The following CSMD2 variants were observed in gnomAD, a reference collection of about 807,000 sequenced individuals.
CSMD2 encodes the protein CUB and sushi domain-containing protein 2.
In CSMD2, 130 loss-of-function variants were observed where a neutral mutation model predicts 398.5. The ratio of observed to expected loss-of-function variants is 0.33; its 90% CI spans 0.28 to 0.38. The LOEUF (loss-of-function observed/expected upper bound fraction) is 0.38, where lower values mean the gene tolerates loss of function less well. Among genes scored for constraint, CSMD2 ranks in the 10% least tolerant of loss-of-function variants. The probability of loss-of-function intolerance (pLI) is 1.00; values close to 1 mark genes in which losing one functional copy is unlikely to be tolerated. For missense variants in CSMD2, 3,829 were observed against 4,764.9 expected (o/e 0.80, Z 5.78); for synonymous variants, 1,828 against 1,908.5 (o/e 0.96, Z 1.10).
At position 33,572,520 on chromosome 1, in the gene CSMD2, G is replaced by T; in HGVS notation, c.7748C>A (p.Pro2583Gln). Reference sequence around the variant, plus strand: ...CGAGGACTCACGGACACACTGTGGTGGGACATTGCGGTTGCTCCATAGGCC... The same window carrying T: ...CGAGGACTCACGGACACACTGTGGTTGGACATTGCGGTTGCTCCATAGGCC... ...DTGLWSNRNV[P>Q]PQCVPVTCPD... Residue 2583 changes from proline to glutamine, a missense_variant, in exon 50 of 71, where the codon CCA (proline) becomes CAA (glutamine). Physicochemically the swap from Pro to Gln is moderately conservative, Grantham distance 76 (BLOSUM62 -1). Transcript: ENST00000373381. 7 of 1,607,936 alleles carry T rather than the reference G, an allele frequency of 4.4e-6. No homozygotes were observed. The highest frequency in any genetic ancestry group is 6.0e-6 in the Non-Finnish European group (7 of 1,176,136).
chr1:33,778,961 C>T (rs1313478963), intron 12 of CSMD2, among the ~76,000 whole-genome samples: 1 of 152,136 alleles, frequency 6.6e-6, no homozygotes, highest in East Asian at 1.9e-4. Flanking sequence ...CTCTGCTATC[C>T]ACCCCGTCTC....
At chr1:33,583,278 C>A (rs1438684644) in intron 47 of CSMD2, among the ~76,000 whole-genome samples, 1 of 152,208 alleles carries the variant, frequency 6.6e-6, no homozygotes, top group Non-Finnish European at 1.5e-5. Context: ...TGCACATTTT[C>A]CCTCTTAAAG....
At chr1:33,858,419 C>T (rs1450769662) in intron 5 of CSMD2, among the ~76,000 whole-genome samples, 2 of 152,208 alleles carry the variant, frequency 1.3e-5, no homozygotes, top group South Asian at 2.1e-4. Flanking sequence ...AGTTCCTAGA[C>T]TACCAGTAGA....
intron 26 of CSMD2, 74 bp from the exon 27 acceptor site, chr1:33,658,211 C>T: frequency 7.7e-7 from 1 of 1,305,694 alleles, no homozygotes; most frequent in South Asian, 1.3e-5. Flanking sequence ...AGCTCATCAC[C>T]CTCACTGATT....
At chr1:33,938,100 G>A (rs920638829) in intron 3 of CSMD2, among the ~76,000 whole-genome samples, 4 of 152,246 alleles carry the variant, frequency 2.6e-5, no homozygotes, top group African/African-American at 7.2e-5. Context: ...GCCCTCAGAG[G>A]CTTATATTTT....
intron 2 of CSMD2, among the ~76,000 whole-genome samples, chr1:34,035,945 A>G (rs959536006): frequency 6.6e-6 from 1 of 152,226 alleles, no homozygotes; most frequent in African/African-American, 2.4e-5. Context: ...AAGGAAATAC[A>G]AATTAAGAAC....
chr1:33,854,254 C>A (rs555233621), intron 5 of CSMD2, among the ~76,000 whole-genome samples: 1 of 152,292 alleles, frequency 6.6e-6, no homozygotes, highest in Admixed American at 6.5e-5. Flanking sequence ...CTATGAGCTC[C>A]CTGAAGACAG....
At position 33,617,570 on chromosome 1, in the gene CSMD2, C is replaced by T; in HGVS notation, c.5875G>A (p.Val1959Met). The change falls in exon 38 of 71, where the codon GTG becomes ATG. Residue 1959 changes from valine (V) to methionine (M), a missense_variant. Around this residue, in one of 5 missense-constraint regions of CSMD2, gnomAD observed 2,001 missense variants for 2,567.1 expected, o/e 0.78. Transcript: ENST00000373381. ...ACCAAGTAGCGCTCGCCAGTCTTCA[C>T]CCCGTTACTGGGCACAGCAGGTTCC... ...CPEPAVPSNG[V>M]KTGERYLVND... The T allele has an allele frequency of 6.2e-7, 1 of 1,614,170 alleles. No homozygotes were observed. Among genetic ancestry groups the T allele is most frequent in the Non-Finnish European group, 8.5e-7 (1 of 1,180,030 alleles).
intron 10 of CSMD2, among the ~76,000 whole-genome samples, chr1:33,810,345 C>A (rs1323286665): frequency 6.6e-6 from 1 of 152,086 alleles, no homozygotes; most frequent in East Asian, 1.9e-4. Context: ...CAAACGTTAG[C>A]ATACTAAGCA....
Position 33,550,218 on chromosome 1 carries a change from C to A in CSMD2, c.8876G>T (p.Gly2959Val), listed in dbSNP as rs775668873. 6.2e-7 allele frequency: 1 copy of A among 1,614,078 alleles called. No homozygotes were observed. Reference sequence around the variant, plus strand: ...GGAGCCAGTCCAGTGTCCATCCAGCCCACACATGCGGGTGCTGTTTCCCAC... The same window carrying A: ...GGAGCCAGTCCAGTGTCCATCCAGCACACACATGCGGGTGCTGTTTCCCAC... Reference protein sequence around the residue: ...TLVGNSTRMCGLDGHWTGSLP... With the variant: ...TLVGNSTRMCVLDGHWTGSLP... The change falls in exon 56 of 71, where the codon GGG (glycine) becomes GTG (valine). Residue 2959 changes from glycine to valine, a missense_variant. This residue lies in a region of CSMD2 where 917 missense variants were observed against 1,199.5 expected (regional missense o/e 0.76). Coordinates refer to ENST00000373381, the MANE Select transcript of CSMD2 (RefSeq NM_001281956.2).
intron 3 of CSMD2, among the ~76,000 whole-genome samples, chr1:33,998,880 T>C (rs946184086): frequency 1.3e-5 from 2 of 152,218 alleles, no homozygotes; most frequent in African/African-American, 4.8e-5. Context: ...AGATACTTAA[T>C]TATTTGTAGT....
rs1570644314 is a variant in CSMD2 at position 33,962,641 on chromosome 1, T to C, written c.518-26687A>G. Among the ~76,000 whole-genome samples, 4 of 152,306 alleles carry C rather than the reference T, an allele frequency of 2.6e-5. No individual in the cohort carries two copies. The South Asian group carries it at 8.3e-4, about 32-fold the overall frequency. Reference sequence around the variant, plus strand: ...CCAGGTGAGTTGCTTCTTCCCTGCCTTCCTCTCTACTCCCTCCCTTGCTCC... The same window carrying C: ...CCAGGTGAGTTGCTTCTTCCCTGCCCTCCTCTCTACTCCCTCCCTTGCTCC... On this transcript the variant is annotated intron_variant, in intron 3 of 70. Transcript: ENST00000373381.
intron 1 of CSMD2, among the ~76,000 whole-genome samples, chr1:34,123,459 A>G (rs1331762576): frequency 1.3e-5 from 2 of 152,010 alleles, no homozygotes; most frequent in Admixed American, 1.3e-4. Context: ...TTTATAACAA[A>G]CTGGTAAACG....
chr1:33,949,133 G>A (rs561523776), intron 3 of CSMD2, among the ~76,000 whole-genome samples: 1 of 152,264 alleles, frequency 6.6e-6, no homozygotes, highest in East Asian at 1.9e-4. Context: ...ATAAAATGGG[G>A]GTAATAATCG....
At chr1:33,772,107 G>A (rs751086211) in intron 13 of CSMD2, 1 of 154,142 alleles carries the variant, frequency 6.5e-6, no homozygotes, top group Non-Finnish European at 1.4e-5. Flanking sequence ...ATGAGATAAA[G>A]CAATTTTAGG....
chr1:33,772,792 C>T, intron 12 of CSMD2, 41 bp from the exon 13 acceptor site: 1 of 1,552,792 alleles, frequency 6.4e-7, no homozygotes, highest in South Asian at 1.2e-5. Context: ...CAAAAGGTGA[C>T]TTTATACCTC....
At chr1:33,706,838 G>A (rs1200575932) in intron 22 of CSMD2, among the ~76,000 whole-genome samples, 4 of 151,590 alleles carry the variant, frequency 2.6e-5, no homozygotes, top group Admixed American at 6.6e-5. Flanking sequence ...GTATGTGTGT[G>A]TGCGTGTGTG....
At chr1:34,158,838 G>A (rs1306610535) in intron 1 of CSMD2, among the ~76,000 whole-genome samples, 2 of 152,160 alleles carry the variant, frequency 1.3e-5, no homozygotes, top group African/African-American at 2.4e-5. Context: ...TACTTTCTGA[G>A]CCTCAGTATC....
chr1:33,566,303 C>A (rs1306364693), intron 53 of CSMD2, among the ~76,000 whole-genome samples: 1 of 31,354 alleles, frequency 3.2e-5, no homozygotes, highest in Non-Finnish European at 1.0e-4. Context: ...TAATCAGGAA[C>A]CTCAAAAAAA....
Sources: allele counts gnomAD v4.1 joint callset (sites outside exome capture counted in the v4.1 genomes callset), GRCh38; gene constraint gnomAD v4.1.1; regional missense constraint gnomAD v4.1.1; transcripts MANE v1.5; gene names NCBI Gene and HGNC (gene_info 2026-07-23, HGNC 2026-07-21).